The following LRP1B variants were observed in gnomAD, a reference collection of about 807,000 sequenced individuals.
LRP1B encodes the protein LDL receptor related protein 1B, also known as low-density lipoprotein receptor-related protein 1B.
Under a neutral mutation model 556.6 loss-of-function variants are expected in LRP1B, and 217 were observed. The observed-to-expected ratio is 0.39, with a 90% CI of 0.35 to 0.44. The LOEUF is 0.44. LRP1B is among the 20% of genes least tolerant of loss of function. The pLI is 1.00. For synonymous variants in LRP1B, 2,047 were observed against 1,865.8 expected (o/e 1.10, Z -2.50); for missense variants, 5,053 against 5,620.8 (o/e 0.90, Z 3.23).
intron 2 of LRP1B, among the ~76,000 whole-genome samples, chr2:141,502,368 G>GAGGATTTAGTCCTCAAC (rs1683747619): frequency 6.6e-6 from 1 of 152,158 alleles, no homozygotes; most frequent in Non-Finnish European, 1.5e-5. Context: ...CATTAAGGTT[G>GAGGATTTAGTCCTCAAC]AGGAATTTGT....
intron 37 of LRP1B, among the ~76,000 whole-genome samples, chr2:140,705,698 A>ATGT (rs1049748460): frequency 3.5e-5 from 2 of 57,240 alleles, no homozygotes; most frequent in African/African-American, 9.3e-5. Context: ...AATGTAAAAA[A>ATGT]AAATGCATAA....
At chr2:142,084,941 A>G (rs1705857434) in intron 1 of LRP1B, among the ~76,000 whole-genome samples, 1 of 152,198 alleles carries the variant, frequency 6.6e-6, no homozygotes, top group Non-Finnish European at 1.5e-5. Context: ...CCTAGAGTGC[A>G]TATCTGACCT....
intron 32 of LRP1B, among the ~76,000 whole-genome samples, chr2:140,784,493 C>A (rs1385115738): frequency 6.6e-6 from 1 of 150,918 alleles, no homozygotes; most frequent in African/African-American, 2.4e-5. Flanking sequence ...CTCAGAATTT[C>A]TGATGATCTC....
At chr2:140,833,366 G>A (rs930218988) in intron 31 of LRP1B, among the ~76,000 whole-genome samples, 2 of 152,102 alleles carry the variant, frequency 1.3e-5, no homozygotes, top group Non-Finnish European at 2.9e-5. Context: ...TTGTCACTTG[G>A]CAAACATTTA....
intron 3 of LRP1B, among the ~76,000 whole-genome samples, chr2:141,471,324 T>A (rs1208216992): frequency 6.8e-6 from 1 of 147,408 alleles, no homozygotes. Context: ...TTCTATGAAA[T>A]GCATTTTAGA....
chr2:141,105,343 T>A lies in LRP1B; in HGVS notation c.1014-43070A>T, dbSNP rs1298662647. ...CATGTATTACTTCAATGTAATTTTT[T>A]TTTTAGTTTTATACTTTTTTCTAGA... On this transcript the variant is annotated intron_variant, in intron 7 of 90. Transcript: ENST00000389484. Among the ~76,000 whole-genome samples, 25 of 152,286 alleles carry A rather than the reference T, an allele frequency of 1.6e-4. No homozygotes were observed. The East Asian group carries it at 4.6e-3, about 28-fold the overall frequency.
intron 43 of LRP1B, 121 bp from the exon 44 acceptor site, chr2:140,542,092 C>A: frequency 1.7e-6 from 1 of 591,520 alleles, no homozygotes; most frequent in South Asian, 4.3e-5. Flanking sequence ...CAGAAATCAT[C>A]AGATAAAAAT....
chr2:142,028,958 C>T lies in LRP1B; in HGVS notation c.82+101690G>A, dbSNP rs546332199. On this transcript the variant is annotated intron_variant, in intron 1 of 90. Coordinates refer to ENST00000389484, the MANE Select transcript of LRP1B (RefSeq NM_018557.3). ...ATATGCTTATTTTTCTATCCTTTTGCCTTCTTCAGTGAAGTGATGTTCAAA... is the reference window on the plus strand; with the variant it reads ...ATATGCTTATTTTTCTATCCTTTTGTCTTCTTCAGTGAAGTGATGTTCAAA... Among the ~76,000 whole-genome samples the T allele has an allele frequency of 1.0e-3, 158 of 151,892 alleles. 4 individuals carry two copies. In the South Asian group the frequency reaches 0.033, roughly 31 times the overall value.
rs111790939 is a variant in LRP1B, at chr2:140,368,413, T to C, written c.11008+2297A>G. ...AGCTTTAATGCATGATAATACTTTA[T>C]AATTTATTTGACTAACACATTGTTG... On this transcript the variant is annotated intron_variant, in intron 71 of 90. Transcript: ENST00000389484. 1.3e-4 allele frequency among the ~76,000 whole-genome samples: 20 copies of C among 151,954 alleles called. 1 individual carries two copies. The highest frequency in any genetic ancestry group is 4.6e-4 in the African/African-American group (19 of 41,520).
intron 1 of LRP1B, among the ~76,000 whole-genome samples, chr2:141,832,307 T>C (rs1697137705): frequency 7.0e-6 from 1 of 142,514 alleles, no homozygotes; most frequent in African/African-American, 2.6e-5. Context: ...TGGGCAATAA[T>C]TATCCTATCT....
intron 1 of LRP1B, among the ~76,000 whole-genome samples, chr2:141,922,110 G>A (rs1700202589): frequency 6.6e-6 from 1 of 152,086 alleles, no homozygotes; most frequent in African/African-American, 2.4e-5. Flanking sequence ...AGCCCACAAT[G>A]TAGAGTTAAG....
chr2:141,163,643 T>G (rs1003551856), intron 7 of LRP1B, among the ~76,000 whole-genome samples: 43 of 152,040 alleles, frequency 2.8e-4, no homozygotes, highest in African/African-American at 8.9e-4. Flanking sequence ...CTTATGGTAG[T>G]GAATATATCT....
intron 2 of LRP1B, among the ~76,000 whole-genome samples, chr2:141,634,211 C>G (rs567726890): frequency 4.6e-5 from 7 of 151,882 alleles, no homozygotes; most frequent in Non-Finnish European, 1.0e-4. Flanking sequence ...CATCTTAAAA[C>G]ATATTGTTCT....
intron 7 of LRP1B, among the ~76,000 whole-genome samples, chr2:141,160,843 A>G (rs1316544473): frequency 1.3e-5 from 1 of 79,558 alleles, no homozygotes; most frequent in Admixed American, 1.2e-4. Flanking sequence ...TGGCAAAATT[A>G]ATCTATATAT....
intron 82 of LRP1B, among the ~76,000 whole-genome samples, chr2:140,320,498 A>C (rs1307205481): frequency 6.6e-6 from 1 of 152,128 alleles, no homozygotes; most frequent in African/African-American, 2.4e-5. Context: ...GCAGAGGGAA[A>C]TACAACAGGT....
At chr2:141,748,205 G>A (rs1205234034) in intron 2 of LRP1B, among the ~76,000 whole-genome samples, 1 of 152,028 alleles carries the variant, frequency 6.6e-6, no homozygotes, top group Non-Finnish European at 1.5e-5. Context: ...GTGACCTTGG[G>A]TAAATTATGT....
intron 2 of LRP1B, among the ~76,000 whole-genome samples, chr2:141,510,820 A>G (rs1387401433): frequency 6.6e-6 from 1 of 151,328 alleles, no homozygotes; most frequent in Non-Finnish European, 1.5e-5. Flanking sequence ...TACATTATAC[A>G]TTTACTTGTA....
chr2:140,348,495 T>C (rs138697732), intron 77 of LRP1B, among the ~76,000 whole-genome samples: 1 of 152,100 alleles, frequency 6.6e-6, no homozygotes, highest in African/African-American at 2.4e-5. Context: ...CCTACTGTTA[T>C]GCATTTTTCT....
chr2:140,538,147 G>A (rs1286546610), intron 45 of LRP1B, among the ~76,000 whole-genome samples: 1 of 152,016 alleles, frequency 6.6e-6, no homozygotes, highest in Non-Finnish European at 1.5e-5. Flanking sequence ...AAGTTTCCAA[G>A]GTTTTATTTA....
Sources: allele counts gnomAD v4.1 joint callset (sites outside exome capture counted in the v4.1 genomes callset), GRCh38; gene constraint gnomAD v4.1.1; transcripts MANE v1.5; gene names NCBI Gene and HGNC (gene_info 2026-07-23, HGNC 2026-07-21).